The following ISM2 variants were observed in gnomAD, a reference collection of about 807,000 sequenced individuals.
The protein encoded by ISM2 is isthmin-2.
In ISM2, 50 loss-of-function variants were observed where a neutral mutation model predicts 58.0. The observed-to-expected ratio is 0.86, with a 90% CI of 0.69 to 1.09. The LOEUF is 1.09. ISM2 is among the 50% of genes least tolerant of loss of function. The pLI, the probability that ISM2 is intolerant of heterozygous loss-of-function variation, is 0.00. For synonymous variants in ISM2, 303 were observed against 312.4 expected, an observed-to-expected ratio of 0.97 and a Z score of 0.32; for missense variants, 723 against 745.0, an observed-to-expected ratio of 0.97 and a Z score of 0.34.
At chr14:77,482,016 G>T (rs1228745379) in intron 4 of ISM2, among the ~76,000 whole-genome samples, 1 of 151,842 alleles carries the variant, frequency 6.6e-6, no homozygotes. Context: ...GGAGGGCTAA[G>T]GTGGGAGGAT....
At chr14:77,498,119 G>T in intron 1 of ISM2, 2 of 443,438 alleles carry the variant, frequency 4.5e-6, no homozygotes, top group East Asian at 9.0e-5. Context: ...ATACCCCAAT[G>T]CCCACCCACA....
intron 1 of ISM2, among the ~76,000 whole-genome samples, chr14:77,489,706 G>A (rs1183714447): frequency 1.3e-5 from 2 of 152,156 alleles, no homozygotes; most frequent in Non-Finnish European, 2.9e-5. Context: ...AGGCTGCAAA[G>A]CTCCTCACTG....
intron 4 of ISM2, among the ~76,000 whole-genome samples, chr14:77,480,248 T>A (rs1449212394): frequency 6.6e-6 from 1 of 150,746 alleles, no homozygotes; most frequent in Non-Finnish European, 1.5e-5. Flanking sequence ...ATCATGCTAC[T>A]GCACTCCAGC....
chr14:77,484,881 C>T lies in ISM2; in HGVS notation c.180G>A (p.Glu60=), dbSNP rs780131404. The change falls in exon 2 of 7, where the codon GAG becomes GAA. Residue 60 remains glutamate, a synonymous_variant. Transcript: ENST00000342219. ...ASPDPRPLKE[E]EEAPLLPRTH... ...TTCTGGGGAGCAGTGGTGCCTCCTCCTCTTCCTTCAGAGGCCTAGGATCTG... is the reference window on the plus strand; with the variant it reads ...TTCTGGGGAGCAGTGGTGCCTCCTCTTCTTCCTTCAGAGGCCTAGGATCTG... 1 of 1,580,366 alleles carries T rather than the reference C, an allele frequency of 6.3e-7. No individual in the cohort carries two copies. The highest frequency in any genetic ancestry group is 1.4e-5 in the African/African-American group (1 of 73,998).
In ISM2 at chr14:77,477,448, G is replaced by A. The variant is rs1269187207; in HGVS notation, c.1198+794C>T. ...TGGGTTTTGACTGGGAGTGAAGGAG[G>A]AGCCTGGGAAATGGTAACACAGGAG... On this transcript the variant is annotated intron_variant, in intron 6 of 6. Coordinates refer to ENST00000342219, the MANE Select transcript of ISM2 (RefSeq NM_199296.3). Among the ~76,000 whole-genome samples the A allele has an allele frequency of 2.6e-5, 4 of 152,180 alleles. No homozygotes were observed. In the East Asian group the frequency reaches 7.7e-4, roughly 29 times the overall value.
chr14:77,496,574 G>GAGTTCGAGACCAGCC (rs1171809137), intron 1 of ISM2, among the ~76,000 whole-genome samples: 1 of 151,228 alleles, frequency 6.6e-6, no homozygotes, highest in East Asian at 2.0e-4. Context: ...ATAAGGTCAG[G>GAGTTCGAGACCAGCC]AGTTCGAGAC....
At position 77,484,748 on chromosome 14, in the gene ISM2, A is replaced by G; in HGVS notation, c.313T>C (p.Leu105=). 6.2e-7 allele frequency: 1 copy of G among 1,611,692 alleles called. No individual in the cohort carries two copies. The highest frequency in any genetic ancestry group is 8.5e-7 in the Non-Finnish European group (1 of 1,179,542). Reference sequence around the variant, plus strand: ...GGCAGCTTCTGCAGCTCCAGCCGCAACGGAGTAACCTCTGGGGTCCTGGGA... The same window carrying G: ...GGCAGCTTCTGCAGCTCCAGCCGCAGCGGAGTAACCTCTGGGGTCCTGGGA... ...TPPRTPEVTP[L]RLELQKLPGL... is the part of the protein sequence containing the mutation. Residue 105 remains leucine (L), a synonymous_variant, in exon 2 of 7, where the codon TTG becomes CTG. Transcript: ENST00000342219.
chr14:77,498,514 G>A (rs925431515), intron 1 of ISM2, 139 bp downstream of exon 1: 2 of 1,294,118 alleles, frequency 1.5e-6, no homozygotes, highest in Non-Finnish European at 2.1e-6. Flanking sequence ...GGGAGCTTCC[G>A]GCCGGCCCCG....
At chr14:77,492,651 T>C (rs981797957) in intron 1 of ISM2, among the ~76,000 whole-genome samples, 1 of 151,038 alleles carries the variant, frequency 6.6e-6, no homozygotes, top group Non-Finnish European at 1.5e-5. Flanking sequence ...GCTAGCACTA[T>C]AGGCATGCAC....
intron 1 of ISM2, among the ~76,000 whole-genome samples, chr14:77,491,195 CTGCCTCAGG>C (rs1401290174): frequency 2.0e-5 from 3 of 152,232 alleles, no homozygotes; most frequent in Admixed American, 6.5e-5. Flanking sequence ...GTTCATGACA[CTGCCTCAGG>C]TTTCTCAGGG....
At position 77,483,087 on chromosome 14, in the gene ISM2, C is replaced by T. The variant is rs1053436591; in HGVS notation, c.628-420G>A. 7.2e-5 allele frequency among the ~76,000 whole-genome samples: 11 copies of T among 152,106 alleles called. No individual in the cohort carries two copies. In the East Asian group the frequency reaches 7.7e-4, roughly 11 times the overall value. On this transcript the variant is annotated intron_variant, in intron 3 of 6. Coordinates refer to ENST00000342219, the MANE Select transcript of ISM2 (RefSeq NM_199296.3). ...GGTAGGGCTGGAAGCTGAGTGCTCC[C>T]GACACAGCAGCCCTTGGAGGAACTC...
At chr14:77,477,288 A>G (rs940999276) in intron 6 of ISM2, among the ~76,000 whole-genome samples, 11 of 152,060 alleles carry the variant, frequency 7.2e-5, no homozygotes, top group African/African-American at 2.7e-4. Context: ...CTTGTTTCTC[A>G]TTTTCCCTTC....
chr14:77,477,586 G>A (rs922477825), intron 6 of ISM2, among the ~76,000 whole-genome samples: 1 of 152,206 alleles, frequency 6.6e-6, no homozygotes, highest in Non-Finnish European at 1.5e-5. Context: ...GCTCACATGG[G>A]TTATGCGTGT....
chr14:77,478,100 T>C (rs1264465437), intron 6 of ISM2, 142 bp downstream of exon 6: 4 of 715,330 alleles, frequency 5.6e-6, no homozygotes, highest in East Asian at 5.0e-5. Context: ...GGGCCCCCTG[T>C]TGGAGAAGCA....
chr14:77,490,144 T>C (rs2079193594), intron 1 of ISM2, among the ~76,000 whole-genome samples: 1 of 151,864 alleles, frequency 6.6e-6, no homozygotes, highest in Non-Finnish European at 1.5e-5. Flanking sequence ...ATTACAGGCG[T>C]GAGCCACCAC....
At chr14:77,482,277 A>G (rs1309084158) in intron 4 of ISM2, 45 bp downstream of exon 4, 14 of 1,460,100 alleles carry the variant, frequency 9.6e-6, no homozygotes, top group East Asian at 2.3e-5. Context: ...TCCACTCAGT[A>G]CCTACAGGGG....
At chr14:77,479,783 G>A (rs2079120954) in intron 4 of ISM2, among the ~76,000 whole-genome samples, 1 of 152,146 alleles carries the variant, frequency 6.6e-6, no homozygotes, top group South Asian at 2.1e-4. Context: ...CCAAAGTACT[G>A]GGATTACAGG....
chr14:77,482,271 C>T (rs2079136490), intron 4 of ISM2, 51 bp downstream of exon 4: 2 of 1,424,224 alleles, frequency 1.4e-6, no homozygotes, highest in African/African-American at 1.4e-5. Flanking sequence ...CCCATTTCCA[C>T]TCAGTACCTA....
At position 77,482,629 on chromosome 14, in the gene ISM2, C is replaced by A; in HGVS notation, c.666G>T (p.Val222=). The part of the protein sequence containing the change: ...IKVVEDPQAE[V]SIDLLAEPSN... ...TGGGCTCAGCCAACAGGTCTATCGA[C>A]ACCTCGGCCTGGGGGTCCTCCACCA... Residue 222 remains valine, a synonymous_variant, in exon 4 of 7, where the codon GTG becomes GTT. Transcript: ENST00000342219. The A allele has an allele frequency of 6.3e-7, 1 of 1,580,556 alleles. No individual in the cohort carries two copies.
Sources: allele counts gnomAD v4.1 joint callset (sites outside exome capture counted in the v4.1 genomes callset), GRCh38; gene constraint gnomAD v4.1.1; transcripts MANE v1.5; gene names NCBI Gene and HGNC (gene_info 2026-07-23, HGNC 2026-07-21).